The following RTF1 variants were observed in gnomAD, a reference collection of about 807,000 sequenced individuals.
RTF1 encodes RTF1 homolog, Paf1/RNA polymerase II complex component, also known as RNA polymerase-associated protein RTF1 homolog.
A neutral mutation model predicts 95.7 loss-of-function variants in RTF1; 10 were observed. That is an observed-to-expected ratio of 0.10 (90% CI 0.06 to 0.18). The LOEUF (loss-of-function observed/expected upper bound fraction) is 0.18, where lower values mean the gene tolerates loss of function less well. Among genes scored for constraint, RTF1 ranks in the 10% least tolerant of loss-of-function variants. The probability of loss-of-function intolerance (pLI) is 1.00; values close to 1 mark genes in which losing one functional copy is unlikely to be tolerated. For missense variants in RTF1, 458 were observed against 875.6 expected (o/e 0.52, Z 6.02); for synonymous variants, 305 against 311.8 (o/e 0.98, Z 0.23).
intron 17 of RTF1, 89 bp from the exon 18 acceptor site, chr15:41,480,490 CCA>C (rs2050966558): frequency 9.5e-7 from 1 of 1,052,938 alleles, no homozygotes; most frequent in African/African-American, 1.6e-5. Context: ...GGGAACAGGG[CCA>C]CAGTCAGGAG....
intron 2 of RTF1, among the ~76,000 whole-genome samples, chr15:41,439,690 C>T (rs1029713118): frequency 6.6e-6 from 1 of 152,276 alleles, no homozygotes; most frequent in African/African-American, 2.4e-5. Context: ...TCACTCTTAT[C>T]GCCCAGGCCA....
chr15:41,424,241 A>T (rs969659420), intron 1 of RTF1, among the ~76,000 whole-genome samples: 1 of 152,198 alleles, frequency 6.6e-6, no homozygotes, highest in Non-Finnish European at 1.5e-5. Flanking sequence ...AAGGACAAGA[A>T]TACTGTGGAA....
intron 5 of RTF1, among the ~76,000 whole-genome samples, chr15:41,465,324 C>T (rs953133150): frequency 2.0e-5 from 3 of 152,066 alleles, no homozygotes; most frequent in African/African-American, 7.2e-5. Context: ...GCTACCGTGC[C>T]CGGCTTTCAC....
chr15:41,482,577 T>C lies in RTF1; in HGVS notation c.*1890T>C, dbSNP rs1013433142. The C allele has an allele frequency of 2.0e-5, 3 of 152,592 alleles. No homozygotes were observed. Among genetic ancestry groups the C allele is most frequent in the Non-Finnish European group, 4.4e-5 (3 of 68,044 alleles). 9.5% of individuals were successfully genotyped at this position (152,592 alleles called of 1,614,324 possible). A position where few individuals can be genotyped will look rare whatever the true frequency, so the allele number is the denominator to read the frequency against. On this transcript the variant is annotated 3_prime_UTR_variant, in exon 18 of 18. Coordinates refer to ENST00000389629, the MANE Select transcript of RTF1 (RefSeq NM_015138.5). ...GCAGCAATGGATGGTTTTAAAGGAGTATTATGATTGTAAAATTGCTAAATA... is the reference window on the plus strand; with the variant it reads ...GCAGCAATGGATGGTTTTAAAGGAGCATTATGATTGTAAAATTGCTAAATA...
chr15:41,477,377 CATAGAT>C, intron 13 of RTF1, 75 bp from the exon 14 acceptor site: 3 of 1,612,894 alleles, frequency 1.9e-6, no homozygotes, highest in Non-Finnish European at 2.5e-6. Flanking sequence ...GCACTGACCC[CATAGAT>C]ATCTGAGTTC....
At chr15:41,459,961 A>C (rs1259560185) in intron 4 of RTF1, among the ~76,000 whole-genome samples, 1 of 152,180 alleles carries the variant, frequency 6.6e-6, no homozygotes, top group African/African-American at 2.4e-5. Context: ...TGAAAGGAGA[A>C]TAGAAGCATT....
At chr15:41,446,570 T>C (rs1022790836) in intron 2 of RTF1, among the ~76,000 whole-genome samples, 2 of 65,668 alleles carry the variant, frequency 3.0e-5, no homozygotes. Context: ...AAAAAAAAAA[T>C]TATTTTCATA....
intron 6 of RTF1, 73 bp from the exon 7 acceptor site, chr15:41,470,184 C>A: frequency 6.6e-7 from 1 of 1,521,770 alleles, no homozygotes; most frequent in Non-Finnish European, 9.0e-7. Flanking sequence ...TCTTCCATTT[C>A]CAGTTCTTTT....
At chr15:41,479,615 C>A (rs2050959989) in intron 16 of RTF1, among the ~76,000 whole-genome samples, 1 of 152,110 alleles carries the variant, frequency 6.6e-6, no homozygotes, top group Non-Finnish European at 1.5e-5. Context: ...AATCCCAGCA[C>A]TTTGGGAGGC....
At position 41,466,265 on chromosome 15, in the gene RTF1, A is replaced by AAT; in HGVS notation, c.889+17_889+18dup. 2 of 1,495,892 alleles carry AAT rather than the reference A, an allele frequency of 1.3e-6. No homozygotes were observed. Among genetic ancestry groups the AAT allele is most frequent in the Admixed American group, 2.4e-5 (1 of 42,238 alleles). The allele number at this position is 1,495,892 out of a possible 1,614,324, so 92.7% of individuals were successfully genotyped here. ...AAGAACAGAACAGGTAAGCGAGGGA[A>AAT]ATATAATGGCTACTTGTGTCTTTAT... is the stretch of plus-strand genomic sequence containing the variant. On this transcript the variant is annotated intron_variant, in intron 6 of 17. Coordinates refer to ENST00000389629, the MANE Select transcript of RTF1 (RefSeq NM_015138.5).
Position 41,438,532 on chromosome 15 carries a change from C to T in RTF1, c.309+101C>T, listed in dbSNP as rs1041299724. 3 of 678,980 alleles carry T rather than the reference C, an allele frequency of 4.4e-6. No homozygotes were observed. In the African/African-American group the frequency reaches 5.4e-5, roughly 12 times the overall value. The allele number at this position is 678,980 out of a possible 1,614,324, so 42.1% of individuals were successfully genotyped here. On this transcript the variant is annotated intron_variant, in intron 2 of 17. Coordinates refer to ENST00000389629, the MANE Select transcript of RTF1 (RefSeq NM_015138.5). Reference sequence around the variant, plus strand: ...CATTTCCTTAAATGGAGACTTACAGCCTAAGATCTACAAGAATTTATTGGG... The same window carrying T: ...CATTTCCTTAAATGGAGACTTACAGTCTAAGATCTACAAGAATTTATTGGG...
chr15:41,428,247 A>T (rs2050647749), intron 1 of RTF1, among the ~76,000 whole-genome samples: 1 of 134,460 alleles, frequency 7.4e-6, no homozygotes, highest in African/African-American at 2.9e-5. Context: ...CTACTGCAAT[A>T]CTGATATCCC....
At chr15:41,472,582 G>A (rs765160582) in intron 8 of RTF1, among the ~76,000 whole-genome samples, 6 of 151,932 alleles carry the variant, frequency 3.9e-5, no homozygotes, top group South Asian at 2.1e-4. Context: ...GCAGTGGCAC[G>A]CTCTTGGCTC....
intron 2 of RTF1, among the ~76,000 whole-genome samples, chr15:41,452,099 G>T (rs1272274526): frequency 6.6e-6 from 1 of 152,120 alleles, no homozygotes; most frequent in East Asian, 1.9e-4. Flanking sequence ...GTTTCTAAGA[G>T]ATTCCAGACC....
chr15:41,424,223 C>T (rs945854814), intron 1 of RTF1, among the ~76,000 whole-genome samples: 3 of 152,074 alleles, frequency 2.0e-5, no homozygotes, highest in African/African-American at 7.2e-5. Flanking sequence ...CACTACAGGC[C>T]ATGAAGCAAG....
chr15:41,477,587 C>T (rs1163194765), intron 14 of RTF1, 72 bp downstream of exon 14: 10 of 1,413,872 alleles, frequency 7.1e-6, no homozygotes, highest in Admixed American at 6.9e-5. Context: ...TACATCTTGC[C>T]TAAGTTTATT....
chr15:41,475,761 A>T lies in RTF1; in HGVS notation c.1424A>T (p.Lys475Met), dbSNP rs755235875. 6 of 1,610,346 alleles carry T rather than the reference A, an allele frequency of 3.7e-6. No individual in the cohort carries two copies. The East Asian group carries it at 6.7e-5, about 18-fold the overall frequency. Residue 475 changes from lysine (K) to methionine (M), a missense_variant, in exon 11 of 18, where the codon AAG becomes ATG. Around this residue, in one of 11 missense-constraint regions of RTF1, gnomAD observed 150 missense variants for 275.7 expected, o/e 0.54. Coordinates refer to ENST00000389629, the MANE Select transcript of RTF1 (RefSeq NM_015138.5). ...QLPTLDEINK[K>M]ELSIKEALNY... ...CCCACTCTAGATGAAATCAATAAAA[A>T]GGAATTATCTATTAAAGAAGCTCTT...
chr15:41,438,254 A>G (rs2050714964), intron 1 of RTF1, 67 bp from the exon 2 acceptor site: 29 of 1,089,266 alleles, frequency 2.7e-5, no homozygotes, highest in Non-Finnish European at 3.7e-5. Flanking sequence ...GAGGGTGGGC[A>G]TTTTATTATT....
chr15:41,424,081 T>C (rs2050616882), intron 1 of RTF1, among the ~76,000 whole-genome samples: 1 of 152,130 alleles, frequency 6.6e-6, no homozygotes, highest in Admixed American at 6.6e-5. Context: ...ACAGATGTAT[T>C]AGACAGCGTT....
Sources: allele counts gnomAD v4.1 joint callset (sites outside exome capture counted in the v4.1 genomes callset), GRCh38; gene constraint gnomAD v4.1.1; regional missense constraint gnomAD v4.1.1; transcripts MANE v1.5; gene names NCBI Gene and HGNC (gene_info 2026-07-23, HGNC 2026-07-21).